Variants in FNBP1 observed in about 807,000 individuals in gnomAD.
FNBP1 encodes formin-binding protein 1.
In FNBP1, 26 loss-of-function variants were observed where a neutral mutation model predicts 90.6. The ratio of observed to expected loss-of-function variants is 0.29; its 90% CI spans 0.21 to 0.40. The LOEUF is 0.40. Ranked by LOEUF, FNBP1 falls within the 10% of genes least tolerant of loss-of-function variation. The pLI, the probability that FNBP1 is intolerant of heterozygous loss-of-function variation, is 1.00. For missense variants in FNBP1, 635 were observed against 768.0 expected (o/e 0.83, Z 2.05); for synonymous variants, 260 against 265.2 (o/e 0.98, Z 0.19).
chr9:130,011,941 A>T lies in FNBP1; in HGVS notation c.25-16983T>A, dbSNP rs1249489926. ...TAAATCAAGATGCAAAGGTCAATTA[A>T]TAGCCAAAACACTCTTGAAGAACAA... On this transcript the variant is annotated intron_variant, in intron 1 of 16. Transcript: ENST00000446176. Among the ~76,000 whole-genome samples, 5 of 152,190 alleles carry T rather than the reference A, an allele frequency of 3.3e-5. No homozygotes were observed. In the East Asian group the frequency reaches 9.6e-4, roughly 29 times the overall value.
intron 1 of FNBP1, among the ~76,000 whole-genome samples, chr9:130,033,661 AC>A (rs921181007): frequency 6.8e-6 from 1 of 147,872 alleles, no homozygotes; most frequent in East Asian, 2.0e-4. Context: ...ACACAGGAAG[AC>A]CCCCCCACCT....
At chr9:130,029,924 C>T (rs2132118282) in intron 1 of FNBP1, among the ~76,000 whole-genome samples, 1 of 152,120 alleles carries the variant, frequency 6.6e-6, no homozygotes, top group East Asian at 1.9e-4. Flanking sequence ...GTCAAGGTTG[C>T]AGTGAGCCTT....
chr9:130,039,383 G>A (rs1211057840), intron 1 of FNBP1, among the ~76,000 whole-genome samples: 2 of 152,164 alleles, frequency 1.3e-5, no homozygotes, highest in Non-Finnish European at 2.9e-5. Context: ...ACTTCAAAAT[G>A]GCCATGTAAG....
chr9:129,947,503 G>A (rs139407077), intron 6 of FNBP1, among the ~76,000 whole-genome samples: 9 of 151,890 alleles, frequency 5.9e-5, no homozygotes, highest in South Asian at 2.1e-4. Flanking sequence ...GTCAAGGATC[G>A]TGTGATTATG....
intron 6 of FNBP1, among the ~76,000 whole-genome samples, chr9:129,946,965 T>C (rs1023858437): frequency 6.6e-6 from 1 of 152,200 alleles, no homozygotes; most frequent in Non-Finnish European, 1.5e-5. Flanking sequence ...CTAAACCCAT[T>C]GCTACACTAT....
intron 2 of FNBP1, among the ~76,000 whole-genome samples, chr9:129,983,248 C>T (rs1427042111): frequency 6.6e-6 from 1 of 152,070 alleles, no homozygotes; most frequent in East Asian, 1.9e-4. Context: ...AATTAGATCC[C>T]TTGTAGGTGA....
chr9:129,954,585 T>C (rs372099629), intron 6 of FNBP1, among the ~76,000 whole-genome samples: 316 of 152,230 alleles, frequency 2.1e-3, no homozygotes, highest in African/African-American at 7.3e-3. Flanking sequence ...ATTGACCACG[T>C]TAATGAATTA....
In FNBP1 at chr9:129,893,440, TA is replaced by T. The variant is rs34814750; in HGVS notation, c.1846+2397del. ...CAACATGGTGAAAACCTGTCTTTAC[TA>T]AAAAAAAAAAAAAATACAAAGATTA... On this transcript the variant is annotated intron_variant, in intron 16 of 16. Transcript: ENST00000446176. Among the ~76,000 whole-genome samples the T allele has an allele frequency of 4.5e-3, 579 of 128,644 alleles. 4 individuals are homozygous for T. Among genetic ancestry groups the T allele is most frequent in the South Asian group, 8.7e-3 (35 of 4,012 alleles). The allele number at this position is 128,644 out of a possible 152,430, so 84.4% of individuals were successfully genotyped here.
chr9:130,007,064 A>G (rs1243751503), intron 1 of FNBP1, among the ~76,000 whole-genome samples: 5 of 150,918 alleles, frequency 3.3e-5, no homozygotes, highest in Non-Finnish European at 5.9e-5. Context: ...CAAGACCCTC[A>G]TCTCTACAAA....
chr9:130,042,506 G>C lies in FNBP1; in HGVS notation c.24+446C>G, dbSNP rs2059919333. On this transcript the variant is annotated intron_variant, in intron 1 of 16. Transcript: ENST00000446176. This position sits in a 1 kb window ranked among gnomAD's most constrained non-coding sequence, Gnocchi z 5.5. ...TCCCGGGGAAGTGCCCGATCCGCCA[G>C]CGCCTCCGCGGAGCCAGGACAGAAC... Among the ~76,000 whole-genome samples the C allele has an allele frequency of 6.6e-6, 1 of 151,774 alleles. No individual in the cohort carries two copies. The highest frequency in any genetic ancestry group is 1.5e-5 in the Non-Finnish European group (1 of 67,898).
the FNBP1 span, among the ~76,000 whole-genome samples, chr9:130,050,163 C>T: frequency 2.6e-4 from 39 of 152,078 alleles, no homozygotes; most frequent in Non-Finnish European, 5.1e-4. Flanking sequence ...CTTTTGCATT[C>T]GAACTACTTA....
chr9:129,919,293 A>G (rs372243616), intron 10 of FNBP1: 3 of 934,250 alleles, frequency 3.2e-6, no homozygotes, highest in Admixed American at 2.3e-5. Context: ...ATTAACCATA[A>G]GACTTTAACA....
chr9:129,929,435 A>T (rs111984450), intron 7 of FNBP1, 132 bp downstream of exon 7: 10,080 of 602,900 alleles, frequency 0.017, 112 homozygotes, highest in South Asian at 0.023. Context: ...AAAAAAAAAA[A>T]TTAGTGGAAA....
chr9:129,960,323 G>A (rs1447543984), intron 4 of FNBP1, among the ~76,000 whole-genome samples: 1 of 142,736 alleles, frequency 7.0e-6, no homozygotes, highest in Non-Finnish European at 1.5e-5. Context: ...AGGTTGCACT[G>A]CACTGAGCCG....
At chr9:129,940,951 C>G (rs2044237155) in intron 6 of FNBP1, among the ~76,000 whole-genome samples, 1 of 151,488 alleles carries the variant, frequency 6.6e-6, no homozygotes, top group Non-Finnish European at 1.5e-5. Flanking sequence ...AGGAACAAAT[C>G]CTCTAGGAAC....
At chr9:130,051,938 TCCCTTTGAAA>T in the FNBP1 span, among the ~76,000 whole-genome samples, 1 of 152,220 alleles carries the variant, frequency 6.6e-6, no homozygotes, top group African/African-American at 2.4e-5. Context: ...AAGTGTAATG[TCCCTTTGAAA>T]ATGTTGCCAG....
chr9:129,989,310 C>T (rs755340309), intron 2 of FNBP1, among the ~76,000 whole-genome samples: 1 of 152,150 alleles, frequency 6.6e-6, no homozygotes, highest in African/African-American at 2.4e-5. Context: ...TCCTGTGTCT[C>T]GTTCATTCAA....
At chr9:129,928,504 C>T (rs1044104669) in intron 7 of FNBP1, among the ~76,000 whole-genome samples, 2 of 151,682 alleles carry the variant, frequency 1.3e-5, no homozygotes, top group Non-Finnish European at 2.9e-5. Flanking sequence ...ACTAAAAATA[C>T]AAAAAAGGTA....
At chr9:129,978,740 T>C in intron 3 of FNBP1, 128 bp from the exon 4 acceptor site, 2 of 834,502 alleles carry the variant, frequency 2.4e-6, no homozygotes, top group Non-Finnish European at 3.7e-6. Context: ...ATCCTGAGTA[T>C]TCATTACACA....
Sources: allele counts gnomAD v4.1 joint callset (sites outside exome capture counted in the v4.1 genomes callset), GRCh38; gene constraint gnomAD v4.1.1; non-coding constraint Gnocchi (gnomAD v3.1); transcripts MANE v1.5; gene names NCBI Gene and HGNC (gene_info 2026-07-23, HGNC 2026-07-21).